The following TPRA1 variants were observed in gnomAD, a reference collection of about 807,000 sequenced individuals.
TPRA1 encodes the protein transmembrane protein adipocyte-associated 1.
In TPRA1, 28 loss-of-function variants were observed where a neutral mutation model predicts 40.1. The observed-to-expected ratio is 0.70, with a 90% CI of 0.52 to 0.96. The LOEUF (loss-of-function observed/expected upper bound fraction) is 0.96, where lower values mean the gene tolerates loss of function less well. TPRA1 is among the 40% of genes least tolerant of loss of function. The pLI is 0.00. For missense variants in TPRA1, 441 were observed against 482.6 expected, an observed-to-expected ratio of 0.91 and a Z score of 0.81; for synonymous variants, 219 against 209.7, an observed-to-expected ratio of 1.04 and a Z score of -0.38.
chr3:127,580,083 G>A lies in TPRA1; in HGVS notation c.64C>T (p.Pro22Ser), dbSNP rs1553736528. ...CAGCGATGAGGCACACTGATGTTTG[G>A]TGCCAGGGGTGGGGGTAGCGCTGTG... ...GSTALPPPLA[P>S]NISVPHRCLL... The change falls in exon 2 of 11, where the codon CCA becomes TCA. Residue 22 changes from proline (P) to serine (S), a missense_variant. Coordinates refer to ENST00000355552, the MANE Select transcript of TPRA1 (RefSeq NM_001136053.4). 8 of 1,613,904 alleles carry A rather than the reference G, an allele frequency of 5.0e-6. No homozygotes were observed. Among genetic ancestry groups the A allele is most frequent in the South Asian group, 1.1e-5 (1 of 91,088 alleles).
intron 10 of TPRA1, 28 bp downstream of exon 10, chr3:127,575,157 G>A (rs1239513161): frequency 6.2e-7 from 1 of 1,609,814 alleles, no homozygotes; most frequent in African/African-American, 1.3e-5. Flanking sequence ...CGGCAGCCAC[G>A]CGGGGGCGCC....
At chr3:127,580,557 C>A (rs2073799463) in intron 1 of TPRA1, 1 of 178,550 alleles carries the variant, frequency 5.6e-6, no homozygotes, top group African/African-American at 2.4e-5. Flanking sequence ...TGCCTGTGTC[C>A]CCCCACCATG....
chr3:127,590,851 C>G (rs1338171064), upstream of TPRA1: 1 of 151,728 alleles, frequency 6.6e-6, no homozygotes, highest in African/African-American at 2.4e-5. Context: ...AGAGACCAAT[C>G]AAATTCCCAA....
At position 127,579,705 on chromosome 3, in the gene TPRA1, GGA is replaced by G. The variant is rs762161347; in HGVS notation, c.258+33_258+34del. ...AATTCCCTTTTTGTTTAACCCAGTTGGAGTTGGCTTTTCTGTCAACTGCAGTG... is the reference window on the plus strand; with the variant it reads ...AATTCCCTTTTTGTTTAACCCAGTTGGTTGGCTTTTCTGTCAACTGCAGTG... On this transcript the variant is annotated intron_variant, in intron 3 of 10. Transcript: ENST00000355552. The G allele has an allele frequency of 1.3e-5, 21 of 1,610,058 alleles. No individual in the cohort carries two copies. The South Asian group carries it at 2.3e-4, about 18-fold the overall frequency.
rs549302457 is a variant in TPRA1, at chr3:127,576,197, G to A, written c.499-147C>T. 27 of 671,696 alleles carry A rather than the reference G, an allele frequency of 4.0e-5. No individual in the cohort carries two copies. Among genetic ancestry groups the A allele is most frequent in the Middle Eastern group, 7.7e-4 (2 of 2,612 alleles). 41.6% of individuals were successfully genotyped at this position (671,696 alleles called of 1,614,324 possible). A position where few individuals can be genotyped will look rare whatever the true frequency, so the allele number is the denominator to read the frequency against. On this transcript the variant is annotated intron_variant, in intron 6 of 10. Coordinates refer to ENST00000355552, the MANE Select transcript of TPRA1 (RefSeq NM_001136053.4). The surrounding 1 kb of genome is among the most constrained non-coding windows in gnomAD (Gnocchi z 4.6). ...ACCCTCAACTCACCTGCCCCAGTCTGCTCCCTGGCCATGTCCTGCCCAACT... is the reference window on the plus strand; with the variant it reads ...ACCCTCAACTCACCTGCCCCAGTCTACTCCCTGGCCATGTCCTGCCCAACT...
intron 1 of TPRA1, among the ~76,000 whole-genome samples, chr3:127,589,140 A>G (rs1175088921): frequency 2.6e-5 from 4 of 152,150 alleles, no homozygotes; most frequent in South Asian, 2.1e-4. Context: ...CAGACTCACA[A>G]CATTCCAGGG....
chr3:127,572,803 CA>C lies in TPRA1; in HGVS notation c.*717del, dbSNP rs1388692710. ...GCCCAAGACAACAGTGTGTGTCTGA[CA>C]AAGGGAGAGGGGCTGGCTCACAAAA... is the stretch of plus-strand genomic sequence containing the variant. On this transcript the variant is annotated 3_prime_UTR_variant, in exon 11 of 11. Coordinates refer to ENST00000355552, the MANE Select transcript of TPRA1 (RefSeq NM_001136053.4). 6.6e-6 allele frequency among the ~76,000 whole-genome samples: 1 copy of C among 152,174 alleles called. No homozygotes were observed. Among genetic ancestry groups the C allele is most frequent in the African/African-American group, 2.4e-5 (1 of 41,444 alleles).
upstream of TPRA1, among the ~76,000 whole-genome samples, chr3:127,594,506 A>G (rs1189300660): frequency 6.6e-6 from 1 of 152,228 alleles, no homozygotes; most frequent in Non-Finnish European, 1.5e-5. Context: ...CAGCTCTGCC[A>G]GGCTACTGGA....
At chr3:127,590,935 A>C (rs538650024), upstream of TPRA1, 3 of 152,376 alleles carry the variant, frequency 2.0e-5, no homozygotes, top group South Asian at 6.2e-4. Context: ...TGCTTCACGG[A>C]AGAGAGAGGC....
intron 1 of TPRA1, among the ~76,000 whole-genome samples, chr3:127,583,392 G>GA (rs2073893926): frequency 6.6e-6 from 1 of 152,102 alleles, no homozygotes; most frequent in Non-Finnish European, 1.5e-5. Context: ...CAGCTAATAG[G>GA]AAGGCTGAGG....
At chr3:127,589,983 C>T (rs754570432) in intron 1 of TPRA1, among the ~76,000 whole-genome samples, 26 of 152,268 alleles carry the variant, frequency 1.7e-4, no homozygotes, top group Non-Finnish European at 1.9e-4. Flanking sequence ...ATGGCCCCCT[C>T]ACGGGGCAGC....
chr3:127,573,446 G>C lies in TPRA1; in HGVS notation c.*75C>G. 6.6e-7 allele frequency: 1 copy of C among 1,522,190 alleles called. No individual in the cohort carries two copies. 94.3% of individuals were successfully genotyped at this position (1,522,190 alleles called of 1,614,324 possible). A position where few individuals can be genotyped will look rare whatever the true frequency, so the allele number is the denominator to read the frequency against. The stretch of plus-strand genomic sequence containing the variant: ...TGCCCACAGAACGTCCCTTGACCTG[G>C]TCCTCCTCCCCTGGGGACTCTGGGC... On this transcript the variant is annotated 3_prime_UTR_variant, in exon 11 of 11. Transcript: ENST00000355552.
intron 3 of TPRA1, among the ~76,000 whole-genome samples, chr3:127,579,144 C>T (rs1218571861): frequency 1.2e-4 from 18 of 152,248 alleles, no homozygotes; most frequent in East Asian, 3.8e-4. Flanking sequence ...CCAGGCAACA[C>T]GTGCCAGGAC....
intron 1 of TPRA1, chr3:127,580,404 C>T (rs911162213): frequency 6.3e-6 from 3 of 473,958 alleles, no homozygotes; most frequent in Non-Finnish European, 1.1e-5. Flanking sequence ...CTAACAAAGC[C>T]ACCCCCTCAG....
intron 3 of TPRA1, among the ~76,000 whole-genome samples, chr3:127,579,189 G>GT (rs1264186982): frequency 1.3e-5 from 2 of 152,226 alleles, no homozygotes; most frequent in Non-Finnish European, 2.9e-5. Flanking sequence ...CTCCCAGCAA[G>GT]TAAGATGTCT....
chr3:127,596,466 G>C (rs184161387), intron 1 of TPRA1, among the ~76,000 whole-genome samples: 2 of 152,166 alleles, frequency 1.3e-5, no homozygotes, highest in African/African-American at 4.8e-5. Flanking sequence ...CCTAGCATCC[G>C]AGGTGCATCC....
At chr3:127,596,775 G>A (rs2074246259) in intron 1 of TPRA1, among the ~76,000 whole-genome samples, 2 of 152,150 alleles carry the variant, frequency 1.3e-5, no homozygotes, top group Admixed American at 6.5e-5. Context: ...GGATCCTGGT[G>A]TCATCCTGCA....
intron 1 of TPRA1, among the ~76,000 whole-genome samples, chr3:127,597,839 A>T (rs1339188074): frequency 6.7e-6 from 1 of 149,246 alleles, no homozygotes; most frequent in Non-Finnish European, 1.5e-5. Flanking sequence ...ACGGAGTCTC[A>T]CTCTGTCACC....
chr3:127,584,118 T>C (rs1209290864), intron 1 of TPRA1, among the ~76,000 whole-genome samples: 1 of 150,142 alleles, frequency 6.7e-6, no homozygotes, highest in South Asian at 2.1e-4. Context: ...GAAAACCCTA[T>C]TTAAAAAGCA....
Sources: gnomAD v4.1 joint callset for allele counts (sites outside exome capture counted in the v4.1 genomes callset) on GRCh38, gnomAD v4.1.1 for gene constraint, Gnocchi (gnomAD v3.1) non-coding constraint, MANE v1.5 for transcripts, NCBI Gene and HGNC (gene_info 2026-07-23, HGNC 2026-07-21) for gene names.